GLIS3: variants seen among roughly 807,000 people sequenced by gnomAD.
GLIS3 encodes the protein GLIS family zinc finger 3.
A neutral mutation model predicts 78.6 loss-of-function variants in GLIS3; 53 were observed. The observed-to-expected ratio is 0.67, with a 90% CI of 0.54 to 0.85. The LOEUF (loss-of-function observed/expected upper bound fraction) is 0.85. Ranked by LOEUF, GLIS3 falls within the 40% of genes least tolerant of loss-of-function variation. The probability of loss-of-function intolerance (pLI) is 0.00; values close to 1 mark genes in which losing one functional copy is unlikely to be tolerated. For synonymous variants in GLIS3, 684 were observed against 509.9 expected, an observed-to-expected ratio of 1.34 and a Z score of -4.60; for missense variants, 1,703 against 1,231.1, an observed-to-expected ratio of 1.38 and a Z score of -5.74.
At chr9:4,256,693 T>C (rs187833782) in intron 2 of GLIS3, among the ~76,000 whole-genome samples, 86 of 152,304 alleles carry the variant, frequency 5.6e-4, no homozygotes, top group Non-Finnish European at 9.9e-4. Context: ...TAGACAAAAG[T>C]AGAAAGAGCC....
In GLIS3 at chr9:4,321,461, A is replaced by AAAAAAT. The variant is rs1563932116; in HGVS notation, n.265-10934_265-10933insATTTTT. On this transcript the variant is annotated intron_variant and non_coding_transcript_variant, in intron 2 of 4. Coordinates refer to the GLIS3 transcript ENST00000471664. ...AAAAAAAAAAAAAAAAAAAAAAAAA[A>AAAAAAT]AATCAGGTGCCTAGAACTGGATTAA... 9.2e-5 allele frequency among the ~76,000 whole-genome samples: 13 copies of AAAAAAT among 141,006 alleles called. 1 individual carries two copies. Among genetic ancestry groups the AAAAAAT allele is most frequent in the African/African-American group, 3.2e-4 (12 of 36,940 alleles). 92.5% of individuals were successfully genotyped at this position (141,006 alleles called of 152,430 possible). A position where few individuals can be genotyped will look rare whatever the true frequency, so the allele number is the denominator to read the frequency against.
upstream of GLIS3, among the ~76,000 whole-genome samples, chr9:4,303,703 A>C (rs1351853869): frequency 6.6e-6 from 1 of 152,208 alleles, no homozygotes. Context: ...ATATCTCTCA[A>C]TCTTGTCTAA....
intron 6 of GLIS3, among the ~76,000 whole-genome samples, chr9:3,909,446 G>A (rs534388489): frequency 6.6e-6 from 1 of 152,258 alleles, no homozygotes; most frequent in East Asian, 1.9e-4. Context: ...AATTTGCAAA[G>A]AGAAATGAGA....
chr9:4,431,333 G>C, the GLIS3 span, among the ~76,000 whole-genome samples: 5 of 152,214 alleles, frequency 3.3e-5, no homozygotes, highest in Non-Finnish European at 5.9e-5. Context: ...TCTTGTATTA[G>C]TGAAGCCAGG....
chr9:3,860,952 C>T (rs1199494414), intron 8 of GLIS3, among the ~76,000 whole-genome samples: 1 of 152,124 alleles, frequency 6.6e-6, no homozygotes, highest in African/African-American at 2.4e-5. Context: ...AATGTATCTA[C>T]TGGGCTAGAG....
chr9:3,894,253 A>T (rs935667771), intron 7 of GLIS3, among the ~76,000 whole-genome samples: 1 of 152,230 alleles, frequency 6.6e-6, no homozygotes, highest in Non-Finnish European at 1.5e-5. Flanking sequence ...AAAGACTTTC[A>T]TATAGTTACG....
At chr9:4,171,596 G>A (rs73396428) in intron 2 of GLIS3, among the ~76,000 whole-genome samples, 23 of 152,266 alleles carry the variant, frequency 1.5e-4, no homozygotes, top group African/African-American at 5.3e-4. Context: ...GCTATCTGAG[G>A]GGAGAACTGC....
the GLIS3 span, among the ~76,000 whole-genome samples, chr9:4,409,672 T>C: frequency 2.0e-5 from 3 of 152,152 alleles, no homozygotes; most frequent in South Asian, 2.1e-4. Context: ...TAGATGCAAA[T>C]AGTCATTTGG....
At chr9:4,469,485 C>T in the GLIS3 span, among the ~76,000 whole-genome samples, 2 of 152,306 alleles carry the variant, frequency 1.3e-5, no homozygotes, top group East Asian at 1.9e-4. Context: ...GAGAAACTCA[C>T]TCAAAACCGC....
intron 2 of GLIS3, among the ~76,000 whole-genome samples, chr9:4,191,755 T>G (rs903085288): frequency 1.3e-5 from 2 of 152,192 alleles, no homozygotes; most frequent in Non-Finnish European, 2.9e-5. Context: ...TTGAGGAACG[T>G]GGTTTAATCA....
chr9:4,049,967 T>A (rs1460490134), intron 4 of GLIS3, among the ~76,000 whole-genome samples: 1 of 152,060 alleles, frequency 6.6e-6, no homozygotes, highest in Non-Finnish European at 1.5e-5. Context: ...GGAGAGGATG[T>A]GGAGAAATAG....
intron 2 of GLIS3, among the ~76,000 whole-genome samples, chr9:4,314,252 A>C (rs142754500): frequency 6.6e-6 from 1 of 152,120 alleles, no homozygotes; most frequent in African/African-American, 2.4e-5. Flanking sequence ...GTTGTTTTTT[A>C]TTAATGGCAG....
intron 6 of GLIS3, among the ~76,000 whole-genome samples, chr9:3,931,148 C>T (rs748224111): frequency 1.8e-4 from 27 of 152,028 alleles, no homozygotes; most frequent in Admixed American, 2.6e-4. Flanking sequence ...AATTAACTTA[C>T]AAGAGTGGGT....
At chr9:4,422,900 G>A in the GLIS3 span, among the ~76,000 whole-genome samples, 1 of 152,154 alleles carries the variant, frequency 6.6e-6, no homozygotes, top group African/African-American at 2.4e-5. Flanking sequence ...CAGTTCCTTT[G>A]AACCCCAGGA....
intron 9 of GLIS3, among the ~76,000 whole-genome samples, chr9:3,837,223 G>C (rs1818407093): frequency 6.6e-6 from 1 of 152,140 alleles, no homozygotes; most frequent in Admixed American, 6.5e-5. Flanking sequence ...AAGACGAATT[G>C]GAGCATCTTT....
At chr9:4,205,985 T>C (rs1819845577) in intron 2 of GLIS3, among the ~76,000 whole-genome samples, 1 of 152,368 alleles carries the variant, frequency 6.6e-6, no homozygotes, top group African/African-American at 2.4e-5. Flanking sequence ...GTTTGTTTGC[T>C]TGCTTGTTCC....
intron 4 of GLIS3, among the ~76,000 whole-genome samples, chr9:4,087,538 C>A (rs536585861): frequency 6.6e-6 from 1 of 152,152 alleles, no homozygotes; most frequent in African/African-American, 2.4e-5. Flanking sequence ...TGCCAGGGAA[C>A]AGTTTGAAAA....
chr9:3,912,652 G>T (rs1824231580), intron 6 of GLIS3, among the ~76,000 whole-genome samples: 1 of 152,050 alleles, frequency 6.6e-6, no homozygotes, highest in Non-Finnish European at 1.5e-5. Context: ...CTGACATTGA[G>T]AATCTTACAT....
intron 2 of GLIS3, among the ~76,000 whole-genome samples, chr9:4,210,580 G>C (rs532274909): frequency 1.3e-5 from 2 of 152,196 alleles, no homozygotes; most frequent in East Asian, 1.9e-4. Flanking sequence ...AGCTGCCCTG[G>C]GACTCTTTTC....
Sources: gnomAD v4.1 joint callset for allele counts (sites outside exome capture counted in the v4.1 genomes callset) on GRCh38, gnomAD v4.1.1 for gene constraint, MANE v1.5 for transcripts, NCBI Gene and HGNC (gene_info 2026-07-23, HGNC 2026-07-21) for gene names.